HACE1: variants seen among roughly 807,000 people sequenced by gnomAD.
HACE1 encodes the protein HECT domain and ankyrin repeat containing E3 ubiquitin protein ligase 1.
HACE1 carries 73 observed loss-of-function variants against 118.4 expected under a neutral mutation model. The ratio of observed to expected loss-of-function variants is 0.62; its 90% CI spans 0.51 to 0.75. The LOEUF (loss-of-function observed/expected upper bound fraction) is 0.75, where lower values mean the gene tolerates loss of function less well. Ranked by LOEUF, HACE1 falls within the 30% of genes least tolerant of loss-of-function variation. HACE1 has a pLI of 0.00. For synonymous variants in HACE1, 368 were observed against 374.8 expected, an observed-to-expected ratio of 0.98 and a Z score of 0.21; for missense variants, 749 against 1,102.2, an observed-to-expected ratio of 0.68 and a Z score of 4.54.
At position 104,819,654 on chromosome 6, in the gene HACE1, T is replaced by C. The variant is rs575080848; in HGVS notation, c.535-8261A>G. Among the ~76,000 whole-genome samples the C allele has an allele frequency of 2.4e-4, 36 of 152,110 alleles. 1 individual carries two copies. In the South Asian group the frequency reaches 7.5e-3, roughly 32 times the overall value. On this transcript the variant is annotated intron_variant, in intron 6 of 23. Transcript: ENST00000262903. ...TTAAAACTATACTACAGGGATATAG[T>C]GAGCAAAACAGTATGGTACTGGTAC...
intron 19 of HACE1, among the ~76,000 whole-genome samples, chr6:104,751,153 G>A (rs1475862112): frequency 1.3e-5 from 2 of 151,996 alleles, no homozygotes; most frequent in African/African-American, 4.8e-5. Context: ...GCTTGTCCGG[G>A]CCCCAATGTG....
At chr6:104,744,069 A>C in intron 22 of HACE1, 91 bp downstream of exon 22, 2 of 806,260 alleles carry the variant, frequency 2.5e-6, no homozygotes, top group Non-Finnish European at 4.4e-6. Context: ...CTGACAATTC[A>C]GAGTAATAAT....
At position 104,737,352 on chromosome 6, in the gene HACE1, C is replaced by T. The variant is rs568393421; in HGVS notation, c.2513+6808G>A. On this transcript the variant is annotated intron_variant, in intron 22 of 23. Transcript: ENST00000262903. ...CAAGATGGCCAAATAGGAACAGCTCCGGTCTACAGCTCCCAGCGTGAGCCA... is the reference window on the plus strand; with the variant it reads ...CAAGATGGCCAAATAGGAACAGCTCTGGTCTACAGCTCCCAGCGTGAGCCA... Among the ~76,000 whole-genome samples the T allele has an allele frequency of 1.1e-3, 165 of 151,426 alleles. 1 individual carries two copies. The highest frequency in any genetic ancestry group is 3.7e-3 in the African/African-American group (152 of 41,218).
At position 104,791,714 on chromosome 6, in the gene HACE1, A is replaced by T. The variant is rs1025681837; in HGVS notation, c.924-60T>A. 9.4e-5 allele frequency: 101 copies of T among 1,077,774 alleles called. 1 individual carries two copies. Among genetic ancestry groups the T allele is most frequent in the Admixed American group, 2.5e-4 (14 of 55,376 alleles). 66.8% of individuals were successfully genotyped at this position (1,077,774 alleles called of 1,614,324 possible). On this transcript the variant is annotated intron_variant, in intron 10 of 23. Coordinates refer to ENST00000262903, the MANE Select transcript of HACE1 (RefSeq NM_020771.4). ...AAACAAATTACATATTAAAATACTT[A>T]TTTTAAAACATTTTCATCCCACTGA...
chr6:104,793,064 C>A (rs191789248), intron 10 of HACE1, among the ~76,000 whole-genome samples: 41 of 151,358 alleles, frequency 2.7e-4, no homozygotes, highest in Non-Finnish European at 5.5e-4. Flanking sequence ...GTCAGGAGAT[C>A]GAGACCATCC....
intron 19 of HACE1, among the ~76,000 whole-genome samples, chr6:104,766,152 G>T (rs529858004): frequency 1.3e-5 from 2 of 152,306 alleles, no homozygotes; most frequent in South Asian, 4.1e-4. Flanking sequence ...TTGGCCCCAC[G>T]TGGGGCACAG....
intron 14 of HACE1, chr6:104,780,329 T>C: frequency 2.2e-6 from 1 of 449,586 alleles, no homozygotes; most frequent in Non-Finnish European, 4.4e-6. Flanking sequence ...TGGTACATTT[T>C]TGTATGTAAA....
chr6:104,778,903 C>T (rs1472571890), intron 14 of HACE1, among the ~76,000 whole-genome samples: 1 of 152,068 alleles, frequency 6.6e-6, no homozygotes, highest in South Asian at 2.1e-4. Context: ...AACCTACCCC[C>T]ACACTCCTAG....
intron 2 of HACE1, 138 bp downstream of exon 2, chr6:104,852,179 A>C: frequency 1.5e-6 from 1 of 657,614 alleles, no homozygotes; most frequent in Non-Finnish European, 2.8e-6. Flanking sequence ...CTTGCCCCAG[A>C]ACATCTATGT....
At chr6:104,811,524 G>C in intron 6 of HACE1, 131 bp from the exon 7 acceptor site, 1 of 597,652 alleles carries the variant, frequency 1.7e-6, no homozygotes, top group Non-Finnish European at 3.2e-6. Context: ...GAGTGGGCAC[G>C]TGACAATTAC....
intron 4 of HACE1, among the ~76,000 whole-genome samples, chr6:104,847,879 G>A (rs775376004): frequency 4.6e-5 from 7 of 151,792 alleles, no homozygotes; most frequent in South Asian, 2.1e-4. Flanking sequence ...ATGCAATGGC[G>A]CAATCTCCAC....
At chr6:104,833,469 C>CT (rs1224615638) in intron 5 of HACE1, among the ~76,000 whole-genome samples, 2 of 152,046 alleles carry the variant, frequency 1.3e-5, no homozygotes, top group Non-Finnish European at 2.9e-5. Context: ...CCTCAGCCTC[C>CT]TAAATAGCTG....
rs140033079 is a variant in HACE1 at position 104,730,521 on chromosome 6, A to C, written c.2514-105T>G. On this transcript the variant is annotated intron_variant, in intron 22 of 23. Transcript: ENST00000262903. ...GTAGGAATATATCCAACTCTAGGAC[A>C]ATGACAACACGACACTTTTTAGTCT... 1,174 of 705,220 alleles carry C rather than the reference A, an allele frequency of 1.7e-3. 16 individuals carry two copies. The African/African-American group carries it at 0.018, about 11-fold the overall frequency. The allele number at this position is 705,220 out of a possible 1,614,324, so 43.7% of individuals were successfully genotyped here.
At chr6:104,752,060 G>C (rs1218738747) in intron 19 of HACE1, among the ~76,000 whole-genome samples, 2 of 151,724 alleles carry the variant, frequency 1.3e-5, no homozygotes, top group African/African-American at 2.4e-5. Context: ...AGCTACAGAA[G>C]TGTCACAGTA....
At chr6:104,847,221 G>C (rs1775748831) in intron 4 of HACE1, among the ~76,000 whole-genome samples, 1 of 152,196 alleles carries the variant, frequency 6.6e-6, no homozygotes, top group Non-Finnish European at 1.5e-5. Context: ...TGAAATGACA[G>C]CAGAGTGTTT....
At chr6:104,838,271 C>T (rs1774741467) in intron 5 of HACE1, among the ~76,000 whole-genome samples, 1 of 152,048 alleles carries the variant, frequency 6.6e-6, no homozygotes, top group African/African-American at 2.4e-5. Flanking sequence ...GTAAAAAGAT[C>T]AAAACTGGAG....
chr6:104,844,104 GCTCA>G (rs60041660), intron 4 of HACE1, among the ~76,000 whole-genome samples: 149,309 of 149,694 alleles, frequency 1, 74,462 homozygotes, highest in Middle Eastern at 1. Context: ...GCGGATCTTT[GCTCA>G]CTCACTGCAA....
chr6:104,811,078 T>C (rs1378270691), intron 7 of HACE1, among the ~76,000 whole-genome samples: 1 of 151,638 alleles, frequency 6.6e-6, no homozygotes. Flanking sequence ...CCTCATACAG[T>C]TAAGTAATAG....
intron 19 of HACE1, among the ~76,000 whole-genome samples, chr6:104,757,787 TA>T (rs1383424119): frequency 6.6e-6 from 1 of 152,124 alleles, no homozygotes; most frequent in Non-Finnish European, 1.5e-5. Context: ...ACCAGGAAGC[TA>T]AAAACCTTGA....
Sources: gnomAD v4.1 joint callset for allele counts (sites outside exome capture counted in the v4.1 genomes callset) on GRCh38, gnomAD v4.1.1 for gene constraint, MANE v1.5 for transcripts, NCBI Gene and HGNC (gene_info 2026-07-23, HGNC 2026-07-21) for gene names.